LZTR1: variants seen among roughly 807,000 people sequenced by gnomAD.
LZTR1 encodes leucine zipper like post translational regulator 1.
In LZTR1, 260 loss-of-function variants were observed where a neutral mutation model predicts 105.7. The observed-to-expected ratio is 2.46, with a 90% CI of 2.22 to 2.72. The LOEUF (loss-of-function observed/expected upper bound fraction) is 2.72, where lower values mean the gene tolerates loss of function less well. LZTR1 is among the 30% of genes most tolerant of loss of function. The pLI, the probability that LZTR1 is intolerant of heterozygous loss-of-function variation, is 0.00. For missense variants in LZTR1, 1,214 were observed against 1,166.9 expected (o/e 1.04, Z -0.59); for synonymous variants, 490 against 476.4 (o/e 1.03, Z -0.37).
chr22:20,995,521 A>T, intron 16 of LZTR1: 1 of 709,950 alleles, frequency 1.4e-6, no homozygotes, highest in South Asian at 1.5e-5. Flanking sequence ...GTGGAAGATG[A>T]GACGCTGGGT....
At chr22:20,985,777 C>T (rs1190011608) in intron 2 of LZTR1, 64 bp from the exon 3 acceptor site, 1 of 1,491,876 alleles carries the variant, frequency 6.7e-7, no homozygotes, top group Non-Finnish European at 9.3e-7. Flanking sequence ...ATGCAGTGCC[C>T]ATCTCTGGGG....
At chr22:20,984,619 G>GT (rs374730839) in intron 2 of LZTR1, among the ~76,000 whole-genome samples, 4 of 149,798 alleles carry the variant, frequency 2.7e-5, no homozygotes, top group Admixed American at 6.6e-5. Context: ...AAGGAGGGGG[G>GT]GGGGGCGGTA....
chr22:20,987,612 G>A (rs748433737), intron 4 of LZTR1, 29 bp downstream of exon 4: 2 of 1,599,512 alleles, frequency 1.3e-6, no homozygotes, highest in South Asian at 1.1e-5. Context: ...CCCAGGGGCT[G>A]TGTCGCCCCG....
Position 20,997,539 on chromosome 22 carries a change from G to A in LZTR1, c.*191G>A. The A allele has an allele frequency of 1.8e-6, 1 of 560,474 alleles. No individual in the cohort carries two copies. Among genetic ancestry groups the A allele is most frequent in the East Asian group, 3.0e-5 (1 of 33,602 alleles). 34.7% of individuals were successfully genotyped at this position (560,474 alleles called of 1,614,324 possible). Reference sequence around the variant, plus strand: ...AACTCATTAATTCACTGAAGACACAGGTCCCACAGGGAGCGGATGATGAAG... The same window carrying A: ...AACTCATTAATTCACTGAAGACACAAGTCCCACAGGGAGCGGATGATGAAG... On this transcript the variant is annotated 3_prime_UTR_variant, in exon 21 of 21. Transcript: ENST00000646124.
chr22:20,991,966 C>A, intron 9 of LZTR1, 137 bp downstream of exon 9: 1 of 893,366 alleles, frequency 1.1e-6, no homozygotes, highest in Admixed American at 2.7e-5. Flanking sequence ...GACACCTGGG[C>A]CTCAGCCCTG....
chr22:20,988,188 CT>C, intron 5 of LZTR1, 70 bp downstream of exon 5: 1 of 979,390 alleles, frequency 1.0e-6, no homozygotes, highest in Admixed American at 1.9e-5. Context: ...GATCTGCCCC[CT>C]TTTGCCTCCC....
At chr22:20,995,388 C>T (rs376419) in intron 16 of LZTR1, 79,368 of 608,856 alleles carry the variant, frequency 0.13, 5,716 homozygotes, top group East Asian at 0.16. Context: ...TCCCCCAGCT[C>T]TCCCTGGGGC....
At chr22:20,992,440 C>T (rs1325262956) in intron 10 of LZTR1, 71 bp downstream of exon 10, 4 of 1,458,584 alleles carry the variant, frequency 2.7e-6, no homozygotes, top group Non-Finnish European at 3.7e-6. Context: ...ACCTCTCACA[C>T]ATGGGGAGAC....
At chr22:20,994,765 G>A (rs1422733688) in intron 15 of LZTR1, 38 bp downstream of exon 15, 8 of 1,609,096 alleles carry the variant, frequency 5.0e-6, no homozygotes, top group Non-Finnish European at 6.8e-6. Flanking sequence ...GTTGGGTGGG[G>A]TGTGCTCAGG....
chr22:20,994,853 G>C lies in LZTR1; in HGVS notation c.1786-17G>C. ...CTGGCTTGACTCTGCCTGCCTGCCTGTGCCTGTCTGCCCCAGGAGCACTGC... is the reference window on the plus strand; with the variant it reads ...CTGGCTTGACTCTGCCTGCCTGCCTCTGCCTGTCTGCCCCAGGAGCACTGC... On this transcript the variant is annotated splice_polypyrimidine_tract_variant and intron_variant, in intron 15 of 20. Coordinates refer to ENST00000646124, the MANE Select transcript of LZTR1 (RefSeq NM_006767.4). 1 of 1,612,666 alleles carries C rather than the reference G, an allele frequency of 6.2e-7. No individual in the cohort carries two copies. Among genetic ancestry groups the C allele is most frequent in the South Asian group, 1.1e-5 (1 of 91,000 alleles).
In LZTR1 at chr22:20,994,941, C is replaced by T. The variant is rs2147968386; in HGVS notation, c.1857C>T (p.Arg619=). The change falls in exon 16 of 21, where the codon CGC becomes CGT. Residue 619 remains arginine, a synonymous_variant. Transcript: ENST00000646124. ...TGATCATGATGAAGGAGTTCGAGCG[C>T]CTCTCCTCTCCACTGATAGTGGAGA... ...NQVIMMKEFE[R]LSSPLIVEIV... The T allele has an allele frequency of 1.2e-6, 2 of 1,613,376 alleles. No individual in the cohort carries two copies. Among genetic ancestry groups the T allele is most frequent in the Non-Finnish European group, 1.7e-6 (2 of 1,180,020 alleles).
In LZTR1 at chr22:20,992,305, G is replaced by A. The variant is rs745476291; in HGVS notation, c.1085G>A (p.Arg362Gln). Residue 362 changes from arginine (R) to glutamine (Q), a missense_variant, in exon 10 of 21, where the codon CGA becomes CAA. Arg to Gln is a conservative substitution (Grantham distance 43). Transcript: ENST00000646124. ...YEERVGFKKS[R>Q]DVFGLDFGTT... is the part of the protein sequence containing the mutation. Reference sequence around the variant, plus strand: ...GAGCGGGTTGGCTTCAAGAAGTCCCGAGATGTGTTTGGCCTGGACTTTGGC... The same window carrying A: ...GAGCGGGTTGGCTTCAAGAAGTCCCAAGATGTGTTTGGCCTGGACTTTGGC... 21 of 1,613,866 alleles carry A rather than the reference G, an allele frequency of 1.3e-5. No individual in the cohort carries two copies. Among genetic ancestry groups the A allele is most frequent in the African/African-American group, 4.0e-5 (3 of 74,936 alleles).
rs1448197132 is a variant in LZTR1 at position 20,995,369 on chromosome 22, C to T, written c.1942+343C>T. 1.3e-5 allele frequency: 8 copies of T among 611,620 alleles called. No individual in the cohort carries two copies. The highest frequency in any genetic ancestry group is 1.9e-5 in the Non-Finnish European group (6 of 318,234). 37.9% of individuals were successfully genotyped at this position (611,620 alleles called of 1,614,324 possible). ...TTCTCTTTGCTTGTAATGTCACAGG[C>T]CCCTTCATTCCCCCAGCTCTCCCTG... is the stretch of plus-strand genomic sequence containing the variant. On this transcript the variant is annotated intron_variant, in intron 16 of 20. Transcript: ENST00000646124.
At chr22:20,987,961 C>A in intron 4 of LZTR1, 49 bp from the exon 5 acceptor site, 1 of 1,160,150 alleles carries the variant, frequency 8.6e-7, no homozygotes, top group Non-Finnish European at 1.3e-6. Flanking sequence ...GGTTTGAAAT[C>A]TCCAAGACTG....
rs1924440004 is a variant in LZTR1 at position 20,987,562 on chromosome 22, G to A, written c.379G>A (p.Gly127Arg). The change falls in exon 4 of 21, where the codon GGG (glycine) becomes AGG (arginine). Residue 127 changes from glycine to arginine, a missense_variant. By Grantham distance (125) the Gly-to-Arg change is moderately radical (BLOSUM62 -2). Transcript: ENST00000646124. ...PRYHHSAVVY[G>R]SSMFVFGGYT... ...TTACCACCACTCGGCCGTCGTCTAT[G>A]GGAGCAGCATGTTTGTCTTTGGTAA... 6.2e-7 allele frequency: 1 copy of A among 1,614,102 alleles called. No homozygotes were observed. Among genetic ancestry groups the A allele is most frequent in the Non-Finnish European group, 8.5e-7 (1 of 1,180,022 alleles).
chr22:20,991,829 G>A lies in LZTR1; in HGVS notation c.993G>A (p.Glu331=), dbSNP rs1214963910. 2.6e-6 allele frequency: 4 copies of A among 1,548,488 alleles called. No individual in the cohort carries two copies. In the South Asian group the frequency reaches 3.6e-5, roughly 14 times the overall value. The part of the protein sequence containing the change: ...WEVVQPSSDS[E]VGGAEVPERA... ...TCGTCCAGCCCAGCTCCGACAGCGA[G>A]GTGAGGGTGCCCAGGGGTGTCCTGA... Residue 331 remains glutamate (E), a splice_region_variant and synonymous_variant, in exon 9 of 21, where the codon GAG becomes GAA. Coordinates refer to ENST00000646124, the MANE Select transcript of LZTR1 (RefSeq NM_006767.4).
In LZTR1 at chr22:20,996,046, A is replaced by T; in HGVS notation, c.2153A>T (p.Gln718Leu). 6.2e-7 allele frequency: 1 copy of T among 1,613,568 alleles called. No homozygotes were observed. The part of the protein sequence containing the change: ...ISIGEMVPSR[Q>L]AFESMLRYIY... ...ATCGGGGAGATGGTGCCCAGCAGGC[A>T]GGCCTTCGAGTCCATGCTGCGCTAC... Residue 718 changes from glutamine to leucine, a missense_variant, in exon 18 of 21, where the codon CAG becomes CTG. Coordinates refer to ENST00000646124, the MANE Select transcript of LZTR1 (RefSeq NM_006767.4).
At chr22:20,997,187 T>C (rs1924892451) in intron 20 of LZTR1, 45 bp from the exon 21 acceptor site, 1 of 1,341,162 alleles carries the variant, frequency 7.5e-7, no homozygotes, top group African/African-American at 1.4e-5. Flanking sequence ...CCATGGCCCT[T>C]AGGTGGATCT....
At chr22:20,995,293 G>A in intron 16 of LZTR1, 3 of 668,968 alleles carry the variant, frequency 4.5e-6, no homozygotes, top group South Asian at 3.0e-5. Context: ...CCTCTTTCGG[G>A]CTAGGATGTC....
Sources: gnomAD v4.1 joint callset for allele counts (sites outside exome capture counted in the v4.1 genomes callset) on GRCh38, gnomAD v4.1.1 for gene constraint, MANE v1.5 for transcripts, NCBI Gene and HGNC (gene_info 2026-07-23, HGNC 2026-07-21) for gene names.